CHN2: variants seen among roughly 807,000 people sequenced by gnomAD.
CHN2 encodes chimerin 2.
CHN2 carries 35 observed loss-of-function variants against 56.3 expected under a neutral mutation model. That is an observed-to-expected ratio of 0.62 (90% CI 0.47 to 0.82). The LOEUF (loss-of-function observed/expected upper bound fraction) is 0.82, where lower values mean the gene tolerates loss of function less well. Ranked by LOEUF, CHN2 falls within the 40% of genes least tolerant of loss-of-function variation. The pLI is 0.00. For missense variants in CHN2, 491 were observed against 580.5 expected (o/e 0.85, Z 1.58); for synonymous variants, 210 against 212.8 (o/e 0.99, Z 0.12).
At chr7:29,354,940 T>TTTTTTTTA (rs147269443) in intron 2 of CHN2, among the ~76,000 whole-genome samples, 36 of 142,012 alleles carry the variant, frequency 2.5e-4, no homozygotes, top group Admixed American at 1.6e-3. Context: ...GGGGCTTTAT[T>TTTTTTTTA]TTTATTTATT....
At chr7:29,453,768 C>T (rs1305386267) in intron 6 of CHN2, among the ~76,000 whole-genome samples, 1 of 152,134 alleles carries the variant, frequency 6.6e-6, no homozygotes, top group African/African-American at 2.4e-5. Flanking sequence ...CTAAATCCAT[C>T]CACTAATGAG....
intron 1 of CHN2, chr7:29,333,016 C>G (rs1796342837): frequency 6.6e-6 from 1 of 152,002 alleles, no homozygotes; most frequent in Admixed American, 6.6e-5. Flanking sequence ...CATGTTCATT[C>G]AAAGGAAACA....
intron 1 of CHN2, among the ~76,000 whole-genome samples, chr7:29,264,682 G>A (rs1258391114): frequency 6.6e-6 from 1 of 152,086 alleles, no homozygotes; most frequent in Admixed American, 6.6e-5. Flanking sequence ...TGCGGAAGGC[G>A]GCAGGGCCCT....
chr7:29,244,961 T>C (rs1339015831), intron 1 of CHN2, among the ~76,000 whole-genome samples: 1 of 152,172 alleles, frequency 6.6e-6, no homozygotes, highest in Non-Finnish European at 1.5e-5. Context: ...TTACACTACT[T>C]TTTGGGCCGT....
intron 1 of CHN2, among the ~76,000 whole-genome samples, chr7:29,195,629 A>AGAGAGTGTGTGT (rs869037854): frequency 4.1e-4 from 48 of 117,548 alleles, no homozygotes; most frequent in Admixed American, 2.3e-3. Flanking sequence ...AGAGAGAGAG[A>AGAGAGTGTGTGT]GTGTGTGTGT....
intron 2 of CHN2, among the ~76,000 whole-genome samples, chr7:29,170,323 AAC>A (rs1193128500): frequency 6.6e-6 from 1 of 152,186 alleles, no homozygotes. Flanking sequence ...TGAATCTTCA[AAC>A]ACAAGATTTT....
intron 1 of CHN2, among the ~76,000 whole-genome samples, chr7:29,234,518 A>G (rs1787030035): frequency 6.6e-6 from 1 of 152,206 alleles, no homozygotes. Flanking sequence ...TTAAAGGCTC[A>G]GTCAGTGGTG....
At chr7:29,264,924 AAGG>A (rs35232280) in intron 1 of CHN2, among the ~76,000 whole-genome samples, 48,943 of 151,476 alleles carry the variant, frequency 0.32, 9,114 homozygotes, top group East Asian at 0.69. Flanking sequence ...AGACTTTTTA[AAGG>A]AGATCTGTTA....
intron 6 of CHN2, among the ~76,000 whole-genome samples, chr7:29,456,617 C>CG (rs1465714080): frequency 6.9e-4 from 93 of 134,582 alleles, no homozygotes; most frequent in Admixed American, 2.6e-3. Context: ...CCGCCCCCTC[C>CG]CCCCCACCAC....
At chr7:29,258,732 A>G (rs1340852251) in intron 1 of CHN2, among the ~76,000 whole-genome samples, 1 of 152,260 alleles carries the variant, frequency 6.6e-6, no homozygotes, top group Non-Finnish European at 1.5e-5. Flanking sequence ...ATAAAAACAT[A>G]AAATGAGCAA....
intron 3 of CHN2, among the ~76,000 whole-genome samples, chr7:29,378,223 T>C (rs770324650): frequency 2.0e-5 from 3 of 152,234 alleles, no homozygotes; most frequent in Non-Finnish European, 2.9e-5. Flanking sequence ...CTCAGTTCAT[T>C]GTGATTTCTT....
At chr7:29,219,301 G>C (rs1330236702) in intron 1 of CHN2, among the ~76,000 whole-genome samples, 1 of 152,098 alleles carries the variant, frequency 6.6e-6, no homozygotes, top group Non-Finnish European at 1.5e-5. Context: ...AGTCAAAGGT[G>C]TATTTTACAA....
intron 5 of CHN2, among the ~76,000 whole-genome samples, chr7:29,399,961 G>C (rs1802065422): frequency 6.6e-6 from 1 of 152,122 alleles, no homozygotes; most frequent in Admixed American, 6.5e-5. Flanking sequence ...GGGGACACTG[G>C]CAACAGCTCC....
chr7:29,206,716 A>G (rs1225918394), intron 1 of CHN2, among the ~76,000 whole-genome samples: 1 of 152,224 alleles, frequency 6.6e-6, no homozygotes, highest in Non-Finnish European at 1.5e-5. Context: ...AATAGTGAAC[A>G]CTGAAGAAAC....
At chr7:29,386,865 G>C (rs1188565915) in intron 3 of CHN2, among the ~76,000 whole-genome samples, 4 of 152,214 alleles carry the variant, frequency 2.6e-5, no homozygotes, top group Non-Finnish European at 5.9e-5. Context: ...TCATTCAAGA[G>C]AGATTTTAAG....
chr7:29,442,799 A>C lies in CHN2; in HGVS notation c.577-37480A>C, dbSNP rs146456160. 3.6e-3 allele frequency among the ~76,000 whole-genome samples: 546 copies of C among 152,264 alleles called. 3 individuals are homozygous for C. The highest frequency in any genetic ancestry group is 8.0e-3 in the Admixed American group (122 of 15,304). On this transcript the variant is annotated intron_variant, in intron 6 of 12. Coordinates refer to ENST00000222792, the MANE Select transcript of CHN2 (RefSeq NM_004067.4). ...CAATATTGTCACTGATACTGCATAC[A>C]TACGAGGTCGTTTTAAAACAGCCAT...
In CHN2 at chr7:29,486,255, G is replaced by A. The variant is rs569832552; in HGVS notation, c.654+5899G>A. Among the ~76,000 whole-genome samples, 5 of 152,288 alleles carry A rather than the reference G, an allele frequency of 3.3e-5. No individual in the cohort carries two copies. In the East Asian group the frequency reaches 7.7e-4, roughly 24 times the overall value. ...CCTGGCCCACAAGCTGTTCATTCAC[G>A]TTGGCAGAAAGCAGGGGACCGTATC... On this transcript the variant is annotated intron_variant, in intron 7 of 12. Transcript: ENST00000222792.
intron 6 of CHN2, among the ~76,000 whole-genome samples, chr7:29,457,341 C>T (rs555733211): frequency 2.6e-5 from 4 of 152,244 alleles, no homozygotes; most frequent in African/African-American, 9.6e-5. Flanking sequence ...ATAATAGGGT[C>T]GTGACCTCCT....
chr7:29,193,533 A>T (rs1783170147), upstream of CHN2: 1 of 152,202 alleles, frequency 6.6e-6, no homozygotes, highest in South Asian at 2.1e-4. Context: ...CCTTTGATCT[A>T]ACAATTTCTC....
Sources: gnomAD v4.1 joint callset for allele counts (sites outside exome capture counted in the v4.1 genomes callset) on GRCh38, gnomAD v4.1.1 for gene constraint, MANE v1.5 for transcripts, NCBI Gene and HGNC (gene_info 2026-07-23, HGNC 2026-07-21) for gene names.